The following LRRTM4 variants were observed in gnomAD, a reference collection of about 807,000 sequenced individuals.
LRRTM4 encodes leucine rich repeat transmembrane neuronal 4.
Under a neutral mutation model 47.6 loss-of-function variants are expected in LRRTM4, and 25 were observed. The ratio of observed to expected loss-of-function variants is 0.53; its 90% CI spans 0.38 to 0.73. The LOEUF is 0.73. Among genes scored for constraint, LRRTM4 ranks in the 30% least tolerant of loss-of-function variants. The pLI, the probability that LRRTM4 is intolerant of heterozygous loss-of-function variation, is 0.00. For synonymous variants in LRRTM4, 311 were observed against 269.5 expected (o/e 1.15, Z -1.51); for missense variants, 638 against 713.4 (o/e 0.89, Z 1.20).
At chr2:77,095,508 C>CTTTTTTTTTT (rs373406392) in intron 3 of LRRTM4, among the ~76,000 whole-genome samples, 1 of 144,010 alleles carries the variant, frequency 6.9e-6, no homozygotes, top group East Asian at 2.0e-4. Flanking sequence ...CATATGCAAA[C>CTTTTTTTTTT]TTTTTTTTTT....
chr2:77,003,283 CATT>C (rs1051095337), intron 3 of LRRTM4, among the ~76,000 whole-genome samples: 1 of 151,420 alleles, frequency 6.6e-6, no homozygotes, highest in Non-Finnish European at 1.5e-5. Context: ...TGCTTATTTT[CATT>C]ATTATTATAA....
chr2:77,222,238 C>T (rs1182121740), intron 3 of LRRTM4, among the ~76,000 whole-genome samples: 1 of 152,168 alleles, frequency 6.6e-6, no homozygotes, highest in East Asian at 1.9e-4. Context: ...GCACCGAATG[C>T]CCACAAGAGA....
chr2:77,427,328 T>C (rs1157810499), intron 3 of LRRTM4, among the ~76,000 whole-genome samples: 1 of 152,154 alleles, frequency 6.6e-6, no homozygotes, highest in Non-Finnish European at 1.5e-5. Context: ...CTAGTTAATA[T>C]CTGAGAAAAA....
At chr2:76,911,991 C>T (rs1014853153) in intron 3 of LRRTM4, among the ~76,000 whole-genome samples, 3 of 146,064 alleles carry the variant, frequency 2.1e-5, no homozygotes, top group African/African-American at 5.0e-5. Context: ...GTGCAGTGGC[C>T]GATCTCCACT....
At chr2:77,396,883 G>C (rs182012853) in intron 3 of LRRTM4, among the ~76,000 whole-genome samples, 18 of 151,932 alleles carry the variant, frequency 1.2e-4, no homozygotes, top group Admixed American at 9.2e-4. Context: ...TTGAAGAGTG[G>C]ACATTGCTAC....
chr2:77,321,334 C>T (rs1273247585), intron 3 of LRRTM4, among the ~76,000 whole-genome samples: 1 of 152,054 alleles, frequency 6.6e-6, no homozygotes. Flanking sequence ...ATCAATTTTT[C>T]AGCTTCCCTT....
intron 3 of LRRTM4, among the ~76,000 whole-genome samples, chr2:77,233,850 G>T (rs768115090): frequency 1.2e-4 from 18 of 152,234 alleles, no homozygotes; most frequent in Admixed American, 3.3e-4. Context: ...GCAACAGCGC[G>T]ATCTTGGCTC....
intron 3 of LRRTM4, among the ~76,000 whole-genome samples, chr2:77,263,031 C>T (rs6715940): frequency 0.12 from 18,718 of 152,114 alleles, 3,871 homozygotes; most frequent in African/African-American, 0.42. Context: ...CAATTTTCAG[C>T]TCCATCCTCA....
At chr2:76,782,668 A>T (rs892633592) in intron 3 of LRRTM4, among the ~76,000 whole-genome samples, 1 of 152,194 alleles carries the variant, frequency 6.6e-6, no homozygotes, top group Non-Finnish European at 1.5e-5. Flanking sequence ...ATACCTGTTA[A>T]CTTTTTCTGA....
chr2:77,499,221 G>A (rs1026782119), intron 3 of LRRTM4, among the ~76,000 whole-genome samples: 1 of 151,874 alleles, frequency 6.6e-6, no homozygotes, highest in Non-Finnish European at 1.5e-5. Flanking sequence ...ACAATGCTCA[G>A]GACAGATCTC....
chr2:77,100,464 A>C (rs1018715193), intron 3 of LRRTM4, among the ~76,000 whole-genome samples: 17 of 152,270 alleles, frequency 1.1e-4, no homozygotes, highest in Admixed American at 1.0e-3. Context: ...TACAGGAAAC[A>C]CCAATGATAG....
intron 3 of LRRTM4, among the ~76,000 whole-genome samples, chr2:77,316,310 A>G (rs1677616484): frequency 6.6e-6 from 1 of 152,218 alleles, no homozygotes; most frequent in Non-Finnish European, 1.5e-5. Flanking sequence ...TGAGAATTAA[A>G]AAGATAATCT....
intron 3 of LRRTM4, among the ~76,000 whole-genome samples, chr2:77,084,327 T>C (rs966983830): frequency 2.6e-5 from 4 of 152,118 alleles, no homozygotes; most frequent in Admixed American, 6.5e-5. Context: ...ATGAAGACCA[T>C]AGCTGGCACT....
At chr2:76,808,260 C>G (rs12468974) in intron 3 of LRRTM4, among the ~76,000 whole-genome samples, 1 of 151,980 alleles carries the variant, frequency 6.6e-6, no homozygotes, top group Non-Finnish European at 1.5e-5. Context: ...CTTCGTGATC[C>G]GCCTGCCTTG....
At chr2:76,919,034 A>C (rs897512507) in intron 3 of LRRTM4, among the ~76,000 whole-genome samples, 6 of 152,178 alleles carry the variant, frequency 3.9e-5, no homozygotes, top group African/African-American at 1.4e-4. Flanking sequence ...ATTCAGGAGA[A>C]ACTAGGTGCC....
At chr2:76,941,672 A>G (rs1675147676) in intron 3 of LRRTM4, among the ~76,000 whole-genome samples, 1 of 152,162 alleles carries the variant, frequency 6.6e-6, no homozygotes, top group Non-Finnish European at 1.5e-5. Flanking sequence ...ATAGTATTCC[A>G]TGGTGTATAT....
At chr2:77,270,620 T>C (rs760078115) in intron 3 of LRRTM4, among the ~76,000 whole-genome samples, 102 of 152,194 alleles carry the variant, frequency 6.7e-4, no homozygotes, top group Non-Finnish European at 9.3e-4. Flanking sequence ...TATTTGACCA[T>C]TAACATTTCT....
rs535658474 is a variant in LRRTM4, at chr2:77,136,994, G to A, written c.1551+381324C>T. Among the ~76,000 whole-genome samples the A allele has an allele frequency of 8.4e-4, 128 of 152,000 alleles. 3 individuals are homozygous for A. The highest frequency in any genetic ancestry group is 2.9e-3 in the African/African-American group (120 of 41,344). On this transcript the variant is annotated intron_variant, in intron 3 of 3. Coordinates refer to ENST00000409884, the MANE Select transcript of LRRTM4 (RefSeq NM_001134745.3). ...GACTATGTGAAAAGACCAAATCTAC[G>A]TCTGATTGGTGTACCTGAAAGTGAC...
chr2:76,749,850 G>A (rs1174613683), intron 3 of LRRTM4, among the ~76,000 whole-genome samples: 2 of 152,172 alleles, frequency 1.3e-5, no homozygotes, highest in Non-Finnish European at 2.9e-5. Flanking sequence ...ATACTTGCGA[G>A]TTACAATTTG....
Sources: allele counts gnomAD v4.1 joint callset (sites outside exome capture counted in the v4.1 genomes callset), GRCh38; gene constraint gnomAD v4.1.1; transcripts MANE v1.5; gene names NCBI Gene and HGNC (gene_info 2026-07-23, HGNC 2026-07-21).